The following GALNT11 variants were observed in gnomAD, a reference collection of about 807,000 sequenced individuals.
The protein encoded by GALNT11 is UDP-GalNAc:polypeptide N-acetylgalactosaminyltransferase 11.
In GALNT11, 47 loss-of-function variants were observed where a neutral mutation model predicts 72.7. The ratio of observed to expected loss-of-function variants is 0.65; its 90% CI spans 0.51 to 0.82. The LOEUF (loss-of-function observed/expected upper bound fraction) is 0.82, where lower values mean the gene tolerates loss of function less well. Ranked by LOEUF, GALNT11 falls within the 40% of genes least tolerant of loss-of-function variation. GALNT11 has a pLI of 0.00. For synonymous variants in GALNT11, 270 were observed against 286.6 expected (o/e 0.94, Z 0.58); for missense variants, 677 against 778.4 (o/e 0.87, Z 1.55).
chr7:152,047,608 G>GT lies in GALNT11; in HGVS notation c.-39+21724_-39+21725insT. On this transcript the variant is annotated intron_variant, in intron 1 of 11. Coordinates refer to ENST00000430044, the MANE Select transcript of GALNT11 (RefSeq NM_022087.4). ...GCTACTTGGGAGGCTGAGGTATGAGGATTGCTTGAGCCCAGGAGGTTGAGG... is the reference window on the plus strand; with the variant it reads ...GCTACTTGGGAGGCTGAGGTATGAGGTATTGCTTGAGCCCAGGAGGTTGAGG... 4.6e-5 allele frequency among the ~76,000 whole-genome samples: 7 copies of GT among 152,112 alleles called. 2 individuals carry two copies. Among genetic ancestry groups the GT allele is most frequent in the Admixed American group, 4.6e-4 (7 of 15,282 alleles).
chr7:152,100,673 G>A (rs1416320848), intron 2 of GALNT11, 125 bp from the exon 3 acceptor site: 1 of 1,237,520 alleles, frequency 8.1e-7, no homozygotes, highest in Non-Finnish European at 1.1e-6. Flanking sequence ...GACAACCTAA[G>A]TTTGAGAAAA....
intron 1 of GALNT11, among the ~76,000 whole-genome samples, chr7:152,084,056 TA>T (rs1217885755): frequency 2.0e-5 from 3 of 152,280 alleles, no homozygotes; most frequent in African/African-American, 4.8e-5. Flanking sequence ...AGCTTTCCTT[TA>T]AAAAAATATT....
intron 1 of GALNT11, among the ~76,000 whole-genome samples, chr7:152,050,767 A>G (rs1000895987): frequency 1.3e-5 from 2 of 152,218 alleles, no homozygotes; most frequent in African/African-American, 4.8e-5. Flanking sequence ...AGTTTAGCCC[A>G]TGGTGGTAAG....
At chr7:152,121,322 T>G (rs1488382198) in intron 11 of GALNT11, among the ~76,000 whole-genome samples, 2 of 152,220 alleles carry the variant, frequency 1.3e-5, no homozygotes, top group African/African-American at 4.8e-5. Flanking sequence ...CTGTTTGTTT[T>G]CTCTATAAAA....
chr7:152,118,274 G>A (rs1461889203), intron 9 of GALNT11: 1 of 186,790 alleles, frequency 5.4e-6, no homozygotes, highest in Non-Finnish European at 1.1e-5. Flanking sequence ...GTTGTCACCG[G>A]TGTCTCTCCA....
intron 8 of GALNT11, among the ~76,000 whole-genome samples, chr7:152,115,787 T>G (rs1391129329): frequency 1.3e-5 from 2 of 152,234 alleles, no homozygotes; most frequent in African/African-American, 4.8e-5. Context: ...CCGGGTGCGG[T>G]GGCGCATGCC....
chr7:152,026,805 T>C (rs2082037848), intron 1 of GALNT11, among the ~76,000 whole-genome samples: 1 of 152,240 alleles, frequency 6.6e-6, no homozygotes, highest in Admixed American at 6.5e-5. Flanking sequence ...CGAACTAGTC[T>C]ATACCTGTAT....
chr7:152,119,060 A>T, intron 10 of GALNT11: 1 of 254,776 alleles, frequency 3.9e-6, no homozygotes, highest in Non-Finnish European at 7.4e-6. Flanking sequence ...ATGACACCTC[A>T]GTCAGCTACT....
rs1024227375 is a variant in GALNT11 at position 152,052,242 on chromosome 7, T to C, written c.-39+26358T>C. Among the ~76,000 whole-genome samples the C allele has an allele frequency of 2.0e-5, 3 of 152,184 alleles. No homozygotes were observed. The South Asian group carries it at 6.2e-4, about 32-fold the overall frequency. Reference sequence around the variant, plus strand: ...ATTGTGTGTATATATCACAGTTTGCTTATCCATTCATCCCCTAGGATATTG... The same window carrying C: ...ATTGTGTGTATATATCACAGTTTGCCTATCCATTCATCCCCTAGGATATTG... On this transcript the variant is annotated intron_variant, in intron 1 of 11. Coordinates refer to ENST00000430044, the MANE Select transcript of GALNT11 (RefSeq NM_022087.4).
chr7:152,100,861 A>T lies in GALNT11; in HGVS notation c.359A>T (p.Asn120Ile), dbSNP rs1292026841. The change falls in exon 3 of 12, where the codon AAT becomes ATT. Residue 120 changes from asparagine to isoleucine, a missense_variant. Physicochemically the swap from Asn to Ile is moderately radical, Grantham distance 149. Coordinates refer to ENST00000430044, the MANE Select transcript of GALNT11 (RefSeq NM_022087.4). ...TTGGGCTATCAGAAACATGCTTTTA[A>T]TATGCTTATCAGTGACCGCTTGGGC... is the stretch of plus-strand genomic sequence containing the variant. ...RDLGYQKHAF[N>I]MLISDRLGYH... 1 of 1,614,126 alleles carries T rather than the reference A, an allele frequency of 6.2e-7. No individual in the cohort carries two copies.
At chr7:152,026,174 G>T (rs568979430) in intron 1 of GALNT11, among the ~76,000 whole-genome samples, 57 of 152,306 alleles carry the variant, frequency 3.7e-4, no homozygotes, top group Admixed American at 2.8e-3. Context: ...ACCTGATCCT[G>T]CAGCCTCCCC....
intron 1 of GALNT11, among the ~76,000 whole-genome samples, chr7:152,059,668 G>A (rs2083893368): frequency 6.6e-6 from 1 of 152,294 alleles, no homozygotes; most frequent in South Asian, 2.1e-4. Flanking sequence ...TTGTCAGTGA[G>A]CAGTGATATT....
chr7:152,055,458 TTTCCAGAAAA>T (rs569373904), intron 1 of GALNT11, among the ~76,000 whole-genome samples: 121 of 152,062 alleles, frequency 8.0e-4, no homozygotes, highest in African/African-American at 2.8e-3. Flanking sequence ...CTCCAAAGTG[TTTCCAGAAAA>T]TTCTGACTTC....
chr7:152,118,948 T>C, intron 10 of GALNT11, 166 bp downstream of exon 10: 1 of 500,808 alleles, frequency 2.0e-6, no homozygotes, highest in African/African-American at 2.0e-5. Context: ...ATGGGGGTTA[T>C]CTATATCCTA....
intron 1 of GALNT11, among the ~76,000 whole-genome samples, chr7:152,087,593 CA>C (rs1587266693): frequency 6.6e-6 from 1 of 152,128 alleles, no homozygotes; most frequent in South Asian, 2.1e-4. Flanking sequence ...GATCTAATGA[CA>C]AAAAATTAAT....
chr7:152,081,117 A>T (rs962273687), intron 1 of GALNT11, among the ~76,000 whole-genome samples: 1 of 152,188 alleles, frequency 6.6e-6, no homozygotes, highest in Non-Finnish European at 1.5e-5. Context: ...TTCAGAAATG[A>T]TTTAGATTTC....
At chr7:152,113,652 A>G (rs1281793732) in intron 8 of GALNT11, among the ~76,000 whole-genome samples, 1 of 146,676 alleles carries the variant, frequency 6.8e-6, no homozygotes, top group African/African-American at 2.5e-5. Context: ...AAGAAATTCC[A>G]TCTTCAGTTT....
intron 1 of GALNT11, among the ~76,000 whole-genome samples, chr7:152,081,625 T>C (rs2085328290): frequency 6.6e-6 from 1 of 152,232 alleles, no homozygotes; most frequent in Non-Finnish European, 1.5e-5. Context: ...CTGGATTGCA[T>C]AGTAGTGTAA....
intron 8 of GALNT11, chr7:152,116,915 A>G (rs2088917310): frequency 4.6e-6 from 3 of 645,510 alleles, no homozygotes; most frequent in Admixed American, 2.1e-5. Context: ...CACAGCCCAC[A>G]CACGCAGACC....
Sources: gnomAD v4.1 joint callset for allele counts (sites outside exome capture counted in the v4.1 genomes callset) on GRCh38, gnomAD v4.1.1 for gene constraint, MANE v1.5 for transcripts, NCBI Gene and HGNC (gene_info 2026-07-23, HGNC 2026-07-21) for gene names.